DLG2: variants seen among roughly 807,000 people sequenced by gnomAD.
DLG2 encodes discs large MAGUK scaffold protein 2.
In DLG2, 45 loss-of-function variants were observed where a neutral mutation model predicts 132.5. That is an observed-to-expected ratio of 0.34 (90% confidence interval 0.27 to 0.44). DLG2 has a LOEUF of 0.44. Among genes scored for constraint, DLG2 ranks in the 20% least tolerant of loss-of-function variants. DLG2 has a pLI of 1.00. For synonymous variants in DLG2, 424 were observed against 419.6 expected, an observed-to-expected ratio of 1.01 and a Z score of -0.13; for missense variants, 1,045 against 1,196.9, an observed-to-expected ratio of 0.87 and a Z score of 1.87.
At chr11:84,349,896 G>A (rs2098555160) in intron 7 of DLG2, among the ~76,000 whole-genome samples, 1 of 151,718 alleles carries the variant, frequency 6.6e-6, no homozygotes, top group African/African-American at 2.4e-5. Flanking sequence ...ATCCAGGCTA[G>A]GCCGGGCGCG....
intron 10 of DLG2, among the ~76,000 whole-genome samples, chr11:84,095,952 A>G (rs2097159635): frequency 6.6e-6 from 1 of 152,212 alleles, no homozygotes; most frequent in African/African-American, 2.4e-5. Context: ...ACCAATGGGT[A>G]GAGGCCAAAA....
Position 85,017,069 on chromosome 11 carries a change from G to T in DLG2, c.357+94592C>A, listed in dbSNP as rs549462419. On this transcript the variant is annotated intron_variant, in intron 6 of 27. Coordinates refer to ENST00000376104, the MANE Select transcript of DLG2 (RefSeq NM_001142699.3). ...AATGCTACAAGGGCAGAGTTGGGTA[G>T]TTGCTACAGATATCTTATGGTCCTC... 2.3e-4 allele frequency among the ~76,000 whole-genome samples: 35 copies of T among 152,242 alleles called. No homozygotes were observed. The East Asian group carries it at 3.9e-3, about 17-fold the overall frequency.
intron 3 of DLG2, among the ~76,000 whole-genome samples, chr11:85,344,439 T>C (rs1462713547): frequency 6.6e-6 from 1 of 152,146 alleles, no homozygotes; most frequent in East Asian, 1.9e-4. Context: ...AAGCCCAACA[T>C]AAAGATACGT....
At chr11:85,538,908 T>C (rs1263190894) in intron 3 of DLG2, among the ~76,000 whole-genome samples, 1 of 151,862 alleles carries the variant, frequency 6.6e-6, no homozygotes, top group Non-Finnish European at 1.5e-5. Context: ...ACCTAGGTGA[T>C]GGGTTGATAG....
At chr11:84,597,772 G>A (rs1409355882) in intron 6 of DLG2, among the ~76,000 whole-genome samples, 2 of 152,120 alleles carry the variant, frequency 1.3e-5, no homozygotes, top group Non-Finnish European at 2.9e-5. Flanking sequence ...AGTAAAAGTA[G>A]GACAAGAAGG....
At chr11:84,380,546 T>C (rs182674754) in intron 7 of DLG2, among the ~76,000 whole-genome samples, 47 of 152,012 alleles carry the variant, frequency 3.1e-4, no homozygotes, top group Admixed American at 6.5e-4. Flanking sequence ...TAATACTGAA[T>C]ATTACAATAT....
chr11:83,895,474 T>C (rs1444848868), intron 15 of DLG2, among the ~76,000 whole-genome samples: 1 of 152,190 alleles, frequency 6.6e-6, no homozygotes, highest in Non-Finnish European at 1.5e-5. Context: ...CTGTCTTTTT[T>C]AACACAGTAG....
rs888562995 is a variant in DLG2, at chr11:83,745,776, T to G, written c.1825+40914A>C. ...AAGATCATGCCACTGCACTCCAGCC[T>G]GGGTGTCAGAGTGAGACGCTGCCTT... On this transcript the variant is annotated intron_variant, in intron 18 of 27. Transcript: ENST00000376104. 1.8e-4 allele frequency among the ~76,000 whole-genome samples: 28 copies of G among 152,014 alleles called. No homozygotes were observed. In the East Asian group the frequency reaches 5.4e-3, roughly 29 times the overall value.
intron 7 of DLG2, among the ~76,000 whole-genome samples, chr11:84,398,859 C>T (rs1314928782): frequency 2.0e-5 from 3 of 152,090 alleles, no homozygotes; most frequent in African/African-American, 4.8e-5. Flanking sequence ...ATTCTATACC[C>T]GGAATTACTG....
intron 22 of DLG2, among the ~76,000 whole-genome samples, chr11:83,478,105 A>C (rs2092768828): frequency 6.6e-6 from 1 of 152,106 alleles, no homozygotes; most frequent in African/African-American, 2.4e-5. Context: ...GCTGAGATCT[A>C]GAGTTAGTTG....
chr11:84,530,333 A>G (rs1052806696), intron 7 of DLG2, among the ~76,000 whole-genome samples: 1 of 152,212 alleles, frequency 6.6e-6, no homozygotes, highest in African/African-American at 2.4e-5. Flanking sequence ...CAACAAAAGA[A>G]ACTATCAACA....
chr11:83,822,155 T>G (rs931082518), intron 17 of DLG2, among the ~76,000 whole-genome samples: 4 of 152,136 alleles, frequency 2.6e-5, no homozygotes, highest in Non-Finnish European at 5.9e-5. Context: ...TCTCAGAATC[T>G]CAGAACTTTG....
At chr11:84,707,364 T>C (rs919299956) in intron 6 of DLG2, among the ~76,000 whole-genome samples, 5 of 151,860 alleles carry the variant, frequency 3.3e-5, no homozygotes, top group Admixed American at 3.3e-4. Context: ...AGCAGGGTTT[T>C]GGGCACATGC....
intron 6 of DLG2, among the ~76,000 whole-genome samples, chr11:84,892,780 T>C (rs1055443580): frequency 3.9e-5 from 6 of 152,058 alleles, no homozygotes; most frequent in Non-Finnish European, 5.9e-5. Flanking sequence ...TTCCCACCAA[T>C]TCACTTTTCA....
intron 18 of DLG2, among the ~76,000 whole-genome samples, chr11:83,687,981 T>C (rs1592456572): frequency 6.6e-6 from 1 of 151,282 alleles, no homozygotes; most frequent in South Asian, 2.1e-4. Context: ...GCACTTGTGT[T>C]GCCTGGGTGA....
chr11:83,979,674 T>A (rs2154173290), intron 12 of DLG2, among the ~76,000 whole-genome samples: 1 of 152,236 alleles, frequency 6.6e-6, no homozygotes, highest in African/African-American at 2.4e-5. Context: ...TATAACCCTG[T>A]CTAAGGGGAG....
chr11:84,258,723 G>A (rs972148324), intron 7 of DLG2, among the ~76,000 whole-genome samples: 1 of 152,088 alleles, frequency 6.6e-6, no homozygotes, highest in Non-Finnish European at 1.5e-5. Context: ...GTCCATAATG[G>A]TAACTCCAAC....
intron 11 of DLG2, among the ~76,000 whole-genome samples, chr11:84,009,212 A>G (rs2094743085): frequency 6.6e-6 from 1 of 151,982 alleles, no homozygotes; most frequent in Admixed American, 6.6e-5. Context: ...AAGTTGGAAT[A>G]TGCCTAGAAG....
At chr11:84,769,887 C>T (rs1350310354) in intron 6 of DLG2, among the ~76,000 whole-genome samples, 2 of 152,014 alleles carry the variant, frequency 1.3e-5, no homozygotes, top group Non-Finnish European at 2.9e-5. Context: ...TCAAAAGCAA[C>T]AGAGAAGTAA....
Sources: gnomAD v4.1 joint callset for allele counts (sites outside exome capture counted in the v4.1 genomes callset) on GRCh38, gnomAD v4.1.1 for gene constraint, MANE v1.5 for transcripts, NCBI Gene and HGNC (gene_info 2026-07-23, HGNC 2026-07-21) for gene names.